The following PCDHA2 variants were observed in gnomAD, a reference collection of about 807,000 sequenced individuals.
The protein encoded by PCDHA2 is protocadherin alpha-2.
In PCDHA2, 58 loss-of-function variants were observed where a neutral mutation model predicts 66.0. The ratio of observed to expected loss-of-function variants is 0.88; its 90% confidence interval spans 0.71 to 1.09. The LOEUF (loss-of-function observed/expected upper bound fraction) is 1.09, where lower values mean the gene tolerates loss of function less well. Ranked by LOEUF, PCDHA2 falls within the 50% of genes least tolerant of loss-of-function variation. The pLI is 0.00. For missense variants in PCDHA2, 1,267 were observed against 1,242.3 expected (o/e 1.02, Z -0.30); for synonymous variants, 634 against 554.0 (o/e 1.14, Z -2.03).
chr5:140,902,010 G>A (rs187351122), intron 1 of PCDHA2, among the ~76,000 whole-genome samples: 56 of 152,092 alleles, frequency 3.7e-4, no homozygotes, highest in African/African-American at 1.3e-3. Context: ...TCACTGTTGG[G>A]ACATATAGAA....
chr5:140,849,028 T>G lies in PCDHA2; in HGVS notation c.2388+51676T>G, dbSNP rs2040749628. 5.1e-6 allele frequency: 8 copies of G among 1,583,910 alleles called. No homozygotes were observed. The highest frequency in any genetic ancestry group is 1.4e-5 in the African/African-American group (1 of 70,832). Reference sequence around the variant, plus strand: ...TACAGACTGAGCCCCAATGAGTATTTCTTCCTGGACGTGCCAACCAGCAAC... The same window carrying G: ...TACAGACTGAGCCCCAATGAGTATTGCTTCCTGGACGTGCCAACCAGCAAC... On this transcript the variant is annotated intron_variant, in intron 1 of 3. Transcript: ENST00000526136.
At chr5:140,958,199 A>G (rs2095413345) in intron 1 of PCDHA2, among the ~76,000 whole-genome samples, 1 of 152,140 alleles carries the variant, frequency 6.6e-6, no homozygotes, top group Non-Finnish European at 1.5e-5. Context: ...GGTCTAGTAT[A>G]CAAGGGAATT....
intron 1 of PCDHA2, among the ~76,000 whole-genome samples, chr5:140,896,874 A>G (rs1009285499): frequency 1.3e-5 from 2 of 152,102 alleles, no homozygotes; most frequent in Non-Finnish European, 2.9e-5. Flanking sequence ...GTACATATTT[A>G]TGGGGTATAT....
At chr5:140,969,468 AT>A (rs1264391543) in intron 1 of PCDHA2, 1 of 1,486,422 alleles carries the variant, frequency 6.7e-7, no homozygotes, top group Non-Finnish European at 9.0e-7. Context: ...AGTATCCACA[AT>A]TTGATCATAA....
intron 1 of PCDHA2, among the ~76,000 whole-genome samples, chr5:140,916,856 G>C (rs529499839): frequency 2.6e-5 from 4 of 152,254 alleles, no homozygotes; most frequent in South Asian, 2.1e-4. Flanking sequence ...CCAGCACTAG[G>C]AGTTACCTAG....
At chr5:140,966,505 A>C (rs2096011889) in intron 1 of PCDHA2, 2 of 427,984 alleles carry the variant, frequency 4.7e-6, no homozygotes, top group Non-Finnish European at 8.1e-6. Context: ...CTGTAGCGGC[A>C]GCAGCAGCAG....
intron 1 of PCDHA2, chr5:140,808,941 T>A: frequency 6.2e-7 from 1 of 1,613,526 alleles, no homozygotes. Context: ...CCATGGTCGG[T>A]GGGTGTGGGC....
chr5:141,008,633 A>G (rs1212403774), intron 3 of PCDHA2, among the ~76,000 whole-genome samples: 1 of 152,212 alleles, frequency 6.6e-6, no homozygotes, highest in African/African-American at 2.4e-5. Context: ...AGTATAATTA[A>G]CAATTTCTTC....
intron 1 of PCDHA2, chr5:140,808,708 C>G (rs1212194365): frequency 2.0e-5 from 32 of 1,612,022 alleles, no homozygotes; most frequent in Non-Finnish European, 2.5e-5. Flanking sequence ...TGTCGAGCTA[C>G]GTTTCGGTGC....
At chr5:140,983,168 C>G (rs2097030716) in intron 3 of PCDHA2, among the ~76,000 whole-genome samples, 1 of 152,146 alleles carries the variant, frequency 6.6e-6, no homozygotes. Context: ...CCAAACATGA[C>G]CGCCTCACAA....
chr5:140,823,687 G>A, intron 1 of PCDHA2: 1 of 1,614,016 alleles, frequency 6.2e-7, no homozygotes, highest in Non-Finnish European at 8.5e-7. Context: ...CTCTCTGGAT[G>A]AGACCGAAGC....
rs541261946 is a variant in PCDHA2, at chr5:140,926,749, G to T, written c.2389-52200G>T. ...GGCGTTCGGGAGGCGCAACGTCGGC[G>T]GTCGCTGAGTATCCAGCCCGCAGCA... On this transcript the variant is annotated intron_variant, in intron 1 of 3. Coordinates refer to ENST00000526136, the MANE Select transcript of PCDHA2 (RefSeq NM_018905.3). 7.3e-6 allele frequency: 9 copies of T among 1,237,260 alleles called. No homozygotes were observed. In the East Asian group the frequency reaches 2.0e-4, roughly 28 times the overall value. The allele number at this position is 1,237,260 out of a possible 1,614,324, so 76.6% of individuals were successfully genotyped here.
chr5:140,980,819 A>C (rs1178317133), intron 2 of PCDHA2, among the ~76,000 whole-genome samples: 1 of 152,216 alleles, frequency 6.6e-6, no homozygotes, highest in East Asian at 1.9e-4. Context: ...TGAACATATT[A>C]AATGAGTTGT....
intron 3 of PCDHA2, among the ~76,000 whole-genome samples, chr5:141,008,360 G>C (rs569459357): frequency 6.6e-6 from 1 of 152,220 alleles, no homozygotes; most frequent in South Asian, 2.1e-4. Flanking sequence ...TCAACCAAAG[G>C]AGCAGTGTTA....
At chr5:140,837,815 T>C (rs903227742) in intron 1 of PCDHA2, among the ~76,000 whole-genome samples, 3 of 151,770 alleles carry the variant, frequency 2.0e-5, no homozygotes, top group Admixed American at 2.0e-4. Flanking sequence ...TAGCTGGGAA[T>C]ACAGTTTGCA....
chr5:140,902,565 T>G (rs571957153), intron 1 of PCDHA2, among the ~76,000 whole-genome samples: 1 of 152,110 alleles, frequency 6.6e-6, no homozygotes. Context: ...TTTTTGAGGG[T>G]TTTTAAGATT....
At chr5:140,926,957 T>G in intron 1 of PCDHA2, 1 of 1,602,892 alleles carries the variant, frequency 6.2e-7, no homozygotes, top group Non-Finnish European at 8.5e-7. Context: ...GCGGGACAGC[T>G]CGAGTACTCA....
intron 1 of PCDHA2, among the ~76,000 whole-genome samples, chr5:140,952,641 G>T (rs1033672347): frequency 1.3e-5 from 2 of 152,102 alleles, no homozygotes; most frequent in Non-Finnish European, 2.9e-5. Flanking sequence ...TCCAACCTGT[G>T]CCTGGTTACC....
At position 141,011,373 on chromosome 5, in the gene PCDHA2, TAA is replaced by T. The variant is rs1299941460; in HGVS notation, c.*1437_*1438del. The T allele has an allele frequency of 1.3e-5, 2 of 153,792 alleles. No homozygotes were observed. Among genetic ancestry groups the T allele is most frequent in the Non-Finnish European group, 2.9e-5 (2 of 68,046 alleles). The allele number at this position is 153,792 out of a possible 1,614,324, so 9.5% of individuals were successfully genotyped here. A position where few individuals can be genotyped will look rare whatever the true frequency, so the allele number is the denominator to read the frequency against. The stretch of plus-strand genomic sequence containing the variant: ...CCCATATGTATGCTGTATGCTATGC[TAA>T]GACTCCTGAAATATACTTACTCTGT... On this transcript the variant is annotated 3_prime_UTR_variant, in exon 4 of 4. Coordinates refer to ENST00000526136, the MANE Select transcript of PCDHA2 (RefSeq NM_018905.3).
Sources: allele counts gnomAD v4.1 joint callset (sites outside exome capture counted in the v4.1 genomes callset), GRCh38; gene constraint gnomAD v4.1.1; transcripts MANE v1.5; gene names NCBI Gene and HGNC (gene_info 2026-07-23, HGNC 2026-07-21).